The following SETD3 variants were observed in gnomAD, a reference collection of about 807,000 sequenced individuals.
SETD3 encodes SET domain containing 3, actin N3(tau)-histidine methyltransferase.
In SETD3, 19 loss-of-function variants were observed where a neutral mutation model predicts 63.0. The observed-to-expected ratio is 0.30, with a 90% confidence interval of 0.21 to 0.44. The LOEUF (loss-of-function observed/expected upper bound fraction) is 0.44. Among genes scored for constraint, SETD3 ranks in the 20% least tolerant of loss-of-function variants. The probability of loss-of-function intolerance (pLI) is 1.00; values close to 1 mark genes in which losing one functional copy is unlikely to be tolerated. For synonymous variants in SETD3, 286 were observed against 264.1 expected, an observed-to-expected ratio of 1.08 and a Z score of -0.80; for missense variants, 587 against 728.5, an observed-to-expected ratio of 0.81 and a Z score of 2.24.
chr14:99,455,486 G>T (rs1015368046), intron 6 of SETD3, among the ~76,000 whole-genome samples: 3 of 152,172 alleles, frequency 2.0e-5, no homozygotes, highest in Non-Finnish European at 4.4e-5. Flanking sequence ...AAAAGAAGGG[G>T]TATGTGTTAA....
intron 6 of SETD3, among the ~76,000 whole-genome samples, chr14:99,424,148 T>C (rs370061443): frequency 5.3e-5 from 8 of 152,236 alleles, no homozygotes; most frequent in East Asian, 1.9e-4. Context: ...GGAAATCCAA[T>C]AGACTGACTT....
intron 6 of SETD3, among the ~76,000 whole-genome samples, chr14:99,427,210 G>T (rs1443275394): frequency 6.6e-6 from 1 of 152,182 alleles, no homozygotes; most frequent in Non-Finnish European, 1.5e-5. Flanking sequence ...ATGCTGACAA[G>T]GAAAACATAC....
chr14:99,407,213 C>T (rs1222432332), intron 8 of SETD3, among the ~76,000 whole-genome samples: 1 of 152,128 alleles, frequency 6.6e-6, no homozygotes, highest in African/African-American at 2.4e-5. Context: ...GTTTCTAAGT[C>T]CATTACAAAT....
intron 6 of SETD3, among the ~76,000 whole-genome samples, chr14:99,422,384 C>A (rs957426749): frequency 6.6e-6 from 1 of 152,186 alleles, no homozygotes; most frequent in African/African-American, 2.4e-5. Context: ...AGTTATTATA[C>A]TAGCATTATC....
rs763711950 is a variant in SETD3 at position 99,398,663 on chromosome 14, C to T, written c.*16G>A. The T allele has an allele frequency of 1.0e-5, 16 of 1,607,112 alleles. No individual in the cohort carries two copies. Among genetic ancestry groups the T allele is most frequent in the African/African-American group, 2.7e-5 (2 of 74,808 alleles). ...ACTCCTGCTCCACTGGATCCCCCAT[C>T]CAGCTTCACCTCGAGCTACTCCTTA... On this transcript the variant is annotated 3_prime_UTR_variant, in exon 13 of 13. Coordinates refer to ENST00000331768, the MANE Select transcript of SETD3 (RefSeq NM_032233.3).
At position 99,412,976 on chromosome 14, in the gene SETD3, T is replaced by C. The variant is rs1269527313; in HGVS notation, c.824A>G (p.Asp275Gly). ...CAGGCCGTTGGTGTGGTTACACATA[T>C]CCCATAAAGGAATCAGAGCCAGGGT... ...RVTLALIPLW[D>G]MCNHTNGLIT... is the part of the protein sequence containing the mutation. The change falls in exon 8 of 13, where the codon GAT becomes GGT. Residue 275 changes from aspartate to glycine, a missense_variant. Transcript: ENST00000331768. 1 of 1,613,590 alleles carries C rather than the reference T, an allele frequency of 6.2e-7. No homozygotes were observed. The highest frequency in any genetic ancestry group is 1.3e-5 in the African/African-American group (1 of 74,896).
In SETD3 at chr14:99,398,055, C is replaced by CTA. The variant is rs927059999; in HGVS notation, c.*622_*623dup. ...AAAGTAAACAAATCTTTAGAAATCACTATATATATGTGTGTTTATATATAT... is the reference window on the plus strand; with the variant it reads ...AAAGTAAACAAATCTTTAGAAATCACTATATATATATGTGTGTTTATATATAT... On this transcript the variant is annotated 3_prime_UTR_variant, in exon 13 of 13. Coordinates refer to ENST00000331768, the MANE Select transcript of SETD3 (RefSeq NM_032233.3). 1.3e-5 allele frequency: 2 copies of CTA among 152,476 alleles called. No individual in the cohort carries two copies. The highest frequency in any genetic ancestry group is 1.5e-5 in the Non-Finnish European group (1 of 68,018). 9.4% of individuals were successfully genotyped at this position (152,476 alleles called of 1,614,324 possible).
chr14:99,443,561 T>G (rs562987074), intron 6 of SETD3, among the ~76,000 whole-genome samples: 2 of 152,204 alleles, frequency 1.3e-5, no homozygotes, highest in Non-Finnish European at 2.9e-5. Context: ...CCCATGATTT[T>G]GTTTTTAATC....
intron 5 of SETD3, among the ~76,000 whole-genome samples, 189 bp from the exon 6 acceptor site, chr14:99,458,724 G>A (rs938095469): frequency 3.5e-5 from 5 of 144,720 alleles, no homozygotes; most frequent in African/African-American, 1.0e-4. Context: ...GATTGCTTGA[G>A]CTCAGGACTT....
intron 8 of SETD3, among the ~76,000 whole-genome samples, chr14:99,409,275 A>T (rs982997961): frequency 6.6e-6 from 1 of 152,268 alleles, no homozygotes; most frequent in Non-Finnish European, 1.5e-5. Context: ...CCATAGGGAC[A>T]TCTAGTGGAA....
At chr14:99,451,372 C>T (rs1476401368) in intron 6 of SETD3, among the ~76,000 whole-genome samples, 1 of 152,238 alleles carries the variant, frequency 6.6e-6, no homozygotes, top group Non-Finnish European at 1.5e-5. Flanking sequence ...CCATTTCATA[C>T]AAGCCTCTTC....
chr14:99,449,021 A>ATT (rs1894299975), intron 6 of SETD3, among the ~76,000 whole-genome samples: 1 of 152,226 alleles, frequency 6.6e-6, no homozygotes, highest in Non-Finnish European at 1.5e-5. Context: ...ATCTAAAACC[A>ATT]TTTTTGTATC....
chr14:99,448,882 T>C lies in SETD3; in HGVS notation c.675+9397A>G, dbSNP rs1186085553. Among the ~76,000 whole-genome samples, 5 of 152,252 alleles carry C rather than the reference T, an allele frequency of 3.3e-5. No individual in the cohort carries two copies. The East Asian group carries it at 9.6e-4, about 29-fold the overall frequency. On this transcript the variant is annotated intron_variant, in intron 6 of 12. Coordinates refer to ENST00000331768, the MANE Select transcript of SETD3 (RefSeq NM_032233.3). Reference sequence around the variant, plus strand: ...GAACTCTGAGGCCAAGTGAACTTTATAAATGATCTGCTGTGTTATGCATCA... The same window carrying C: ...GAACTCTGAGGCCAAGTGAACTTTACAAATGATCTGCTGTGTTATGCATCA...
chr14:99,438,931 C>T (rs761531119), intron 6 of SETD3, among the ~76,000 whole-genome samples: 1 of 152,222 alleles, frequency 6.6e-6, no homozygotes, highest in Non-Finnish European at 1.5e-5. Flanking sequence ...AGGTTAATTA[C>T]ATCAGAAGAA....
At chr14:99,481,492 C>T (rs1241018696), upstream of SETD3, 2 of 398,578 alleles carry the variant, frequency 5.0e-6, no homozygotes, top group African/African-American at 2.1e-5. Context: ...GAGTGACCCA[C>T]CGACTGAGGG....
rs1238419493 is a variant in SETD3, at chr14:99,405,365, T to G, written c.931A>C (p.Ile311Leu). The G allele has an allele frequency of 3.1e-6, 5 of 1,608,400 alleles. No homozygotes were observed. The highest frequency in any genetic ancestry group is 4.2e-6 in the Non-Finnish European group (5 of 1,178,550). Residue 311 changes from isoleucine to leucine, a missense_variant, in exon 10 of 13, where the codon ATT (isoleucine) becomes CTT (leucine). By Grantham distance (5) the Ile-to-Leu change is conservative. Coordinates refer to ENST00000331768, the MANE Select transcript of SETD3 (RefSeq NM_032233.3). ...QDFRAGEQIY[I>L]FYGTRSNAEF... ...GCGTTGGATCGAGTGCCATAAAAAA[T>G]GTAAATCTGAGATGCAGTAAAGAAA...
intron 6 of SETD3, among the ~76,000 whole-genome samples, chr14:99,451,722 G>C (rs531358054): frequency 4.6e-5 from 7 of 152,066 alleles, no homozygotes; most frequent in Admixed American, 4.6e-4. Flanking sequence ...GCCCAGACTG[G>C]TCTCTAACTC....
In SETD3 at chr14:99,463,503, A is replaced by G; in HGVS notation, c.179T>C (p.Ile60Thr). ...AATTTTACCTTTTTGCTTTTTCCGT[A>G]TTTTCTCAACCAGAGTCCGGATCTG... ...YVQIRTLVEK[I>T]RKKQKGLSVT... The change falls in exon 3 of 13, where the codon ATA becomes ACA. Residue 60 changes from isoleucine (I) to threonine (T), a missense_variant. Ile to Thr is a moderately conservative substitution (Grantham distance 89). Transcript: ENST00000331768. The G allele has an allele frequency of 3.7e-6, 6 of 1,613,674 alleles. No individual in the cohort carries two copies. Among genetic ancestry groups the G allele is most frequent in the Non-Finnish European group, 5.1e-6 (6 of 1,179,896 alleles).
At chr14:99,443,315 A>T (rs1464969782) in intron 6 of SETD3, among the ~76,000 whole-genome samples, 1 of 132,446 alleles carries the variant, frequency 7.6e-6, no homozygotes. Context: ...GCTGGAGTGC[A>T]GTGGCACTCA....
Sources: gnomAD v4.1 joint callset for allele counts (sites outside exome capture counted in the v4.1 genomes callset) on GRCh38, gnomAD v4.1.1 for gene constraint, MANE v1.5 for transcripts, NCBI Gene and HGNC (gene_info 2026-07-23, HGNC 2026-07-21) for gene names.